The following UBAC2 variants were observed in gnomAD, a reference collection of about 807,000 sequenced individuals.
UBAC2 encodes the protein UBA domain containing 2.
A neutral mutation model predicts 44.0 loss-of-function variants in UBAC2; 26 were observed. That is an observed-to-expected ratio of 0.59 (90% confidence interval 0.43 to 0.82). The LOEUF is 0.82. UBAC2 is among the 40% of genes least tolerant of loss of function. The probability of loss-of-function intolerance (pLI) is 0.00; values close to 1 mark genes in which losing one functional copy is unlikely to be tolerated. For synonymous variants in UBAC2, 155 were observed against 154.3 expected (o/e 1.00, Z -0.04); for missense variants, 329 against 419.4 (o/e 0.78, Z 1.88).
At chr13:99,224,354 TAGTC>T (rs1437427773) in intron 1 of UBAC2, among the ~76,000 whole-genome samples, 2 of 152,190 alleles carry the variant, frequency 1.3e-5, no homozygotes, top group East Asian at 1.9e-4. Flanking sequence ...TCTCCAAACT[TAGTC>T]AGCATAGAGC....
intron 4 of UBAC2, among the ~76,000 whole-genome samples, chr13:99,288,284 A>G (rs922947460): frequency 2.6e-5 from 4 of 152,192 alleles, no homozygotes; most frequent in Non-Finnish European, 5.9e-5. Flanking sequence ...CTTGTTTTGG[A>G]TCAGTTGCAG....
intron 1 of UBAC2, among the ~76,000 whole-genome samples, chr13:99,208,102 A>G (rs1488807255): frequency 1.3e-5 from 2 of 149,664 alleles, no homozygotes; most frequent in African/African-American, 5.0e-5. Flanking sequence ...GGTTTGAGCA[A>G]TTCTCCTGCC....
At chr13:99,351,173 G>A (rs985942923) in intron 7 of UBAC2, among the ~76,000 whole-genome samples, 44 of 152,174 alleles carry the variant, frequency 2.9e-4, no homozygotes, top group Admixed American at 2.5e-3. Context: ...AATTACCTTA[G>A]GTACCAGAGG....
intron 4 of UBAC2, among the ~76,000 whole-genome samples, chr13:99,299,765 G>A (rs1340118249): frequency 6.6e-6 from 1 of 152,100 alleles, no homozygotes; most frequent in Non-Finnish European, 1.5e-5. Flanking sequence ...GTGTCATCAT[G>A]TAGAAACCTC....
At chr13:99,370,102 T>C (rs899195383) in intron 8 of UBAC2, among the ~76,000 whole-genome samples, 1 of 152,234 alleles carries the variant, frequency 6.6e-6, no homozygotes, top group Non-Finnish European at 1.5e-5. Flanking sequence ...ATTGGTATTA[T>C]ATGAATTTTA....
chr13:99,206,471 C>T (rs1040727291), intron 1 of UBAC2, among the ~76,000 whole-genome samples: 5 of 152,248 alleles, frequency 3.3e-5, no homozygotes, highest in Non-Finnish European at 5.9e-5. Context: ...GCTTCCCTGG[C>T]TTTGCTCACC....
chr13:99,349,495 C>T (rs909324129), intron 7 of UBAC2, among the ~76,000 whole-genome samples: 5 of 152,120 alleles, frequency 3.3e-5, no homozygotes, highest in African/African-American at 4.8e-5. Flanking sequence ...TGGCCCTGAA[C>T]GGCTGGGTGC....
chr13:99,252,793 A>G (rs2043474936), intron 4 of UBAC2, among the ~76,000 whole-genome samples: 1 of 152,120 alleles, frequency 6.6e-6, no homozygotes, highest in African/African-American at 2.4e-5. Context: ...ATTAAATTAT[A>G]ATTTAAATTA....
At chr13:99,238,845 C>CT (rs778248300) in intron 2 of UBAC2, among the ~76,000 whole-genome samples, 4 of 152,094 alleles carry the variant, frequency 2.6e-5, no homozygotes, top group Non-Finnish European at 2.9e-5. Flanking sequence ...AATGTTTAAT[C>CT]TTTTTTTAAT....
chr13:99,300,373 C>G (rs560820628), intron 4 of UBAC2, among the ~76,000 whole-genome samples: 2 of 152,172 alleles, frequency 1.3e-5, no homozygotes, highest in Non-Finnish European at 2.9e-5. Flanking sequence ...AGGATGATTC[C>G]GCTAGCTGGC....
intron 4 of UBAC2, among the ~76,000 whole-genome samples, chr13:99,310,914 G>A (rs1285709169): frequency 6.6e-6 from 1 of 152,172 alleles, no homozygotes; most frequent in African/African-American, 2.4e-5. Flanking sequence ...CCTCTGGTGC[G>A]ATTGGCTCCC....
intron 4 of UBAC2, among the ~76,000 whole-genome samples, chr13:99,306,268 A>C (rs953945221): frequency 6.6e-6 from 1 of 152,162 alleles, no homozygotes; most frequent in Non-Finnish European, 1.5e-5. Flanking sequence ...CAGTGGCCAG[A>C]GAGATGGGAG....
chr13:99,298,981 C>T (rs912471548), intron 4 of UBAC2, among the ~76,000 whole-genome samples: 16 of 151,898 alleles, frequency 1.1e-4, no homozygotes, highest in African/African-American at 3.6e-4. Context: ...TTGAGTATTT[C>T]TAAGCAGATT....
At chr13:99,292,728 T>TTC (rs1216233150) in intron 4 of UBAC2, among the ~76,000 whole-genome samples, 1 of 151,748 alleles carries the variant, frequency 6.6e-6, no homozygotes, top group Non-Finnish European at 1.5e-5. Flanking sequence ...GTTTTTTTTT[T>TTC]TAATGTGGTC....
chr13:99,359,793 A>G (rs1283859373), intron 7 of UBAC2, among the ~76,000 whole-genome samples: 1 of 152,194 alleles, frequency 6.6e-6, no homozygotes, highest in Non-Finnish European at 1.5e-5. Flanking sequence ...CCGTGTGCCC[A>G]AGCACAGCAC....
intron 4 of UBAC2, among the ~76,000 whole-genome samples, chr13:99,275,774 A>G (rs2043873373): frequency 6.6e-6 from 1 of 151,750 alleles, no homozygotes; most frequent in African/African-American, 2.4e-5. Flanking sequence ...ATCTGTTTGG[A>G]TTTAAGATCC....
chr13:99,263,969 T>C (rs1420665145), intron 4 of UBAC2, among the ~76,000 whole-genome samples: 1 of 152,226 alleles, frequency 6.6e-6, no homozygotes, highest in African/African-American at 2.4e-5. Flanking sequence ...ATTTCATGCT[T>C]AGGTGGTAAA....
chr13:99,238,668 A>ATATTTAT (rs1350290818), intron 2 of UBAC2, 114 bp downstream of exon 2: 1 of 939,582 alleles, frequency 1.1e-6, no homozygotes, highest in Non-Finnish European at 1.4e-6. Flanking sequence ...TTTGTAAGAA[A>ATATTTAT]TATTTATTAT....
At chr13:99,216,301 C>T (rs1275932085) in intron 1 of UBAC2, among the ~76,000 whole-genome samples, 1 of 152,128 alleles carries the variant, frequency 6.6e-6, no homozygotes, top group African/African-American at 2.4e-5. Flanking sequence ...AACAGGTTTT[C>T]ACCATGTTGG....
Sources: gnomAD v4.1 joint callset for allele counts (sites outside exome capture counted in the v4.1 genomes callset) on GRCh38, gnomAD v4.1.1 for gene constraint, MANE v1.5 for transcripts, NCBI Gene and HGNC (gene_info 2026-07-23, HGNC 2026-07-21) for gene names.